Variants in CFAP54 observed in about 807,000 individuals in gnomAD.
CFAP54 encodes the protein cilia and flagella associated protein 54.
CFAP54 carries 290 observed loss-of-function variants against 370.4 expected under a neutral mutation model. That is an observed-to-expected ratio of 0.78 (90% confidence interval 0.71 to 0.86). The LOEUF (loss-of-function observed/expected upper bound fraction) is 0.86, where lower values mean the gene tolerates loss of function less well. CFAP54 is among the 40% of genes least tolerant of loss of function. CFAP54 has a pLI of 0.00. For missense variants in CFAP54, 3,399 were observed against 3,528.7 expected (o/e 0.96, Z 0.93); for synonymous variants, 1,206 against 1,236.5 (o/e 0.98, Z 0.52).
chr12:96,693,866 G>C (rs1382799832), intron 45 of CFAP54, 58 bp downstream of exon 45: 7 of 1,111,316 alleles, frequency 6.3e-6, no homozygotes, highest in Non-Finnish European at 9.2e-6. Context: ...ATATTGTCAT[G>C]TATTAATTTG....
intron 17 of CFAP54, among the ~76,000 whole-genome samples, chr12:96,555,858 T>C (rs1955745979): frequency 1.3e-5 from 2 of 151,926 alleles, no homozygotes; most frequent in East Asian, 3.8e-4. Flanking sequence ...GCAATTTCAA[T>C]AAAAATTCCA....
intron 26 of CFAP54, among the ~76,000 whole-genome samples, chr12:96,607,852 A>G (rs1278726164): frequency 6.6e-6 from 1 of 152,108 alleles, no homozygotes; most frequent in African/African-American, 2.4e-5. Context: ...CAACATTTGT[A>G]GAATCCTGAG....
In CFAP54 at chr12:96,664,763, ATCTATATC is replaced by A. The variant is rs1565934422; in HGVS notation, c.5563+833_5563+840del. Among the ~76,000 whole-genome samples, 144 of 20,426 alleles carry A rather than the reference ATCTATATC, an allele frequency of 7.0e-3. 1 individual carries two copies. The highest frequency in any genetic ancestry group is 0.03 in the African/African-American group (130 of 4,380). 13.4% of individuals were successfully genotyped at this position (20,426 alleles called of 152,430 possible). On this transcript the variant is annotated intron_variant, in intron 39 of 67. Transcript: ENST00000524981. ...TCTATATATATATATATCTATATATATCTATATCTATATCTATATATATATATATATAT... is the reference window on the plus strand; with the variant it reads ...TCTATATATATATATATCTATATATATATATCTATATATATATATATATAT...
At chr12:96,837,126 G>A (rs890995656) in intron 66 of CFAP54, among the ~76,000 whole-genome samples, 2 of 152,150 alleles carry the variant, frequency 1.3e-5, no homozygotes, top group African/African-American at 4.8e-5. Flanking sequence ...CAGCCCAAAA[G>A]TATAATTTTT....
intron 66 of CFAP54, among the ~76,000 whole-genome samples, chr12:96,855,167 T>C (rs367582245): frequency 6.6e-6 from 1 of 152,118 alleles, no homozygotes; most frequent in East Asian, 1.9e-4. Context: ...AGTATGATGG[T>C]AACTGCCCCC....
intron 30 of CFAP54, among the ~76,000 whole-genome samples, chr12:96,628,810 G>A (rs1172509265): frequency 3.9e-5 from 6 of 151,930 alleles, no homozygotes; most frequent in Admixed American, 2.0e-4. Flanking sequence ...GGCTTACCCC[G>A]TCTTGTCATT....
intron 50 of CFAP54, among the ~76,000 whole-genome samples, chr12:96,728,534 C>T (rs573681345): frequency 1.3e-5 from 2 of 152,346 alleles, no homozygotes; most frequent in South Asian, 2.1e-4. Flanking sequence ...CCATCAGCTC[C>T]TTTAAGCACT....
intron 39 of CFAP54, among the ~76,000 whole-genome samples, chr12:96,668,374 A>C (rs564913180): frequency 1.3e-5 from 2 of 152,314 alleles, no homozygotes; most frequent in Non-Finnish European, 2.9e-5. Context: ...ATAAAGAAAA[A>C]GAAGTTTAGC....
intron 60 of CFAP54, among the ~76,000 whole-genome samples, chr12:96,779,259 C>T (rs577568428): frequency 5.3e-5 from 8 of 152,262 alleles, no homozygotes; most frequent in African/African-American, 1.9e-4. Flanking sequence ...CCCCTAGCAA[C>T]CTCTTTTCCT....
chr12:96,582,697 T>C (rs1233853955), intron 22 of CFAP54, among the ~76,000 whole-genome samples: 2 of 152,150 alleles, frequency 1.3e-5, no homozygotes, highest in Non-Finnish European at 2.9e-5. Context: ...GGTAGAACTT[T>C]CATTGAAAGT....
chr12:96,789,131 G>T (rs951997767), intron 62 of CFAP54, among the ~76,000 whole-genome samples: 2 of 152,166 alleles, frequency 1.3e-5, no homozygotes, highest in Non-Finnish European at 2.9e-5. Flanking sequence ...GTCATTTCAG[G>T]CTCCTCATGT....
intron 36 of CFAP54, 62 bp from the exon 37 acceptor site, chr12:96,657,820 C>T (rs1222305746): frequency 1.7e-6 from 2 of 1,173,798 alleles, no homozygotes; most frequent in East Asian, 2.4e-5. Flanking sequence ...ATTCAGTTTT[C>T]AGAAAAAATA....
In CFAP54 at chr12:96,489,613, G is replaced by C. The variant is rs1954852877; in HGVS notation, c.4G>C (p.Ala2Pro). 1.3e-6 allele frequency: 2 copies of C among 1,515,700 alleles called. No homozygotes were observed. Among genetic ancestry groups the C allele is most frequent in the Non-Finnish European group, 1.8e-6 (2 of 1,132,290 alleles). 93.9% of individuals were successfully genotyped at this position (1,515,700 alleles called of 1,614,324 possible). The change falls in exon 1 of 68, where the codon GCG becomes CCG. Residue 2 changes from alanine to proline, a missense_variant. By Grantham distance (27) the Ala-to-Pro change is conservative. This residue lies in a region of CFAP54 where 559 missense variants were observed against 576.7 expected (regional missense o/e 0.97). Coordinates refer to ENST00000524981, the MANE Select transcript of CFAP54 (RefSeq NM_001306084.2). ...AGGCGGGCCGGGGCGCGTCAATATGGCGGCGCAGGGCTCCCCCTCGAGCTC... is the reference window on the plus strand; with the variant it reads ...AGGCGGGCCGGGGCGCGTCAATATGCCGGCGCAGGGCTCCCCCTCGAGCTC... MAAQGSPSSSPS... is the reference protein window; with the variant it reads MPAQGSPSSSPS...
chr12:96,824,386 C>A (rs1359551180), intron 65 of CFAP54, among the ~76,000 whole-genome samples: 6 of 152,160 alleles, frequency 3.9e-5, no homozygotes, highest in African/African-American at 1.4e-4. Flanking sequence ...GGTAGCATTG[C>A]TCTCTTCATC....
At chr12:96,585,233 T>C (rs1015165764) in intron 22 of CFAP54, among the ~76,000 whole-genome samples, 8 of 152,192 alleles carry the variant, frequency 5.3e-5, no homozygotes, top group African/African-American at 1.9e-4. Context: ...CGATCTCAGC[T>C]TACTGCAACC....
At chr12:96,792,671 A>G (rs1958715088) in intron 63 of CFAP54, among the ~76,000 whole-genome samples, 172 bp downstream of exon 63, 1 of 152,184 alleles carries the variant, frequency 6.6e-6, no homozygotes. Context: ...GAAATCGGGG[A>G]AAGTCTGATT....
intron 6 of CFAP54, among the ~76,000 whole-genome samples, chr12:96,519,654 T>C (rs1462835272): frequency 2.0e-5 from 3 of 152,238 alleles, no homozygotes; most frequent in Non-Finnish European, 2.9e-5. Flanking sequence ...AGATTTTTAT[T>C]TTTAAATGAC....
chr12:96,608,613 C>A (rs1282774451), intron 26 of CFAP54, among the ~76,000 whole-genome samples: 2 of 151,946 alleles, frequency 1.3e-5, no homozygotes, highest in African/African-American at 4.8e-5. Flanking sequence ...AGGCATGCAC[C>A]ACTACGCCCG....
chr12:96,800,987 A>T (rs1234877789), intron 63 of CFAP54, among the ~76,000 whole-genome samples: 1 of 152,164 alleles, frequency 6.6e-6, no homozygotes, highest in African/African-American at 2.4e-5. Context: ...AGCTTCTTGA[A>T]AGGATGGTAA....
Sources: gnomAD v4.1 joint callset for allele counts (sites outside exome capture counted in the v4.1 genomes callset) on GRCh38, gnomAD v4.1.1 for gene constraint, gnomAD v4.1.1 regional missense constraint, MANE v1.5 for transcripts, NCBI Gene and HGNC (gene_info 2026-07-23, HGNC 2026-07-21) for gene names.